NSMCE2: variants seen among roughly 807,000 people sequenced by gnomAD.
The protein encoded by NSMCE2 is NSE2 SUMO ligase component of SMC5/6 complex.
A neutral mutation model predicts 23.8 loss-of-function variants in NSMCE2; 24 were observed. The ratio of observed to expected loss-of-function variants is 1.01; its 90% confidence interval spans 0.73 to 1.42. The LOEUF (loss-of-function observed/expected upper bound fraction) is 1.42. NSMCE2 is among the 40% of genes most tolerant of loss of function. The probability of loss-of-function intolerance (pLI) is 0.00; values close to 1 mark genes in which losing one functional copy is unlikely to be tolerated. For missense variants in NSMCE2, 284 were observed against 296.5 expected, an observed-to-expected ratio of 0.96 and a Z score of 0.31; for synonymous variants, 92 against 94.1, an observed-to-expected ratio of 0.98 and a Z score of 0.13.
chr8:125,137,486 C>G (rs1327289644), intron 3 of NSMCE2, among the ~76,000 whole-genome samples: 1 of 152,168 alleles, frequency 6.6e-6, no homozygotes, highest in African/African-American at 2.4e-5. Context: ...CACATGCAAG[C>G]TAAAGGTAAT....
rs73349872 is a variant in NSMCE2, at chr8:125,188,285, G to T, written c.418+6029G>T. 1.2e-3 allele frequency among the ~76,000 whole-genome samples: 184 copies of T among 152,308 alleles called. 2 individuals carry two copies. The highest frequency in any genetic ancestry group is 4.1e-3 in the African/African-American group (172 of 41,568). On this transcript the variant is annotated intron_variant, in intron 5 of 7. Coordinates refer to ENST00000287437, the MANE Select transcript of NSMCE2 (RefSeq NM_173685.4). Reference sequence around the variant, plus strand: ...AAAACCACAGTGTAGTTGCACAAGGGTAGTGGTTTTTATGTTTTGCTTACT... The same window carrying T: ...AAAACCACAGTGTAGTTGCACAAGGTTAGTGGTTTTTATGTTTTGCTTACT...
chr8:125,151,313 T>C, intron 4 of NSMCE2, 36 bp downstream of exon 4: 2 of 1,058,630 alleles, frequency 1.9e-6, no homozygotes, highest in South Asian at 2.6e-5. Context: ...TATATTTGGT[T>C]ACAACTCACT....
At chr8:125,258,408 T>C (rs1586681619) in intron 5 of NSMCE2, among the ~76,000 whole-genome samples, 1 of 152,216 alleles carries the variant, frequency 6.6e-6, no homozygotes, top group East Asian at 1.9e-4. Context: ...ATCTGCACAG[T>C]TTAGGGCTTT....
chr8:125,227,272 G>A (rs1484488402), intron 5 of NSMCE2, among the ~76,000 whole-genome samples: 4 of 152,140 alleles, frequency 2.6e-5, no homozygotes, highest in Admixed American at 2.6e-4. Flanking sequence ...TGGTAGCTCG[G>A]TGTCTCCATC....
At chr8:125,201,958 G>T (rs764690827) in intron 5 of NSMCE2, among the ~76,000 whole-genome samples, 1 of 151,830 alleles carries the variant, frequency 6.6e-6, no homozygotes, top group Non-Finnish European at 1.5e-5. Flanking sequence ...CTTCAGCCTC[G>T]CAGGTTCTCA....
chr8:125,225,059 C>T (rs903595853), intron 5 of NSMCE2, among the ~76,000 whole-genome samples: 8 of 152,148 alleles, frequency 5.3e-5, no homozygotes, highest in African/African-American at 1.9e-4. Context: ...AAACAAAGTG[C>T]CTTCATCCAG....
At position 125,102,329 on chromosome 8, in the gene NSMCE2, A is replaced by G. The variant is rs745410079; in HGVS notation, c.-2A>G. 1 of 1,611,012 alleles carries G rather than the reference A, an allele frequency of 6.2e-7. No homozygotes were observed. Among genetic ancestry groups the G allele is most frequent in the Middle Eastern group, 1.7e-4 (1 of 6,048 alleles). ...TTTGAAAACTTAGGTACTAATTTCA[A>G]GATGCCAGGACGTTCCAGTTCAAAT... On this transcript the variant is annotated 5_prime_UTR_variant, in exon 3 of 8. Transcript: ENST00000287437.
intron 1 of NSMCE2, among the ~76,000 whole-genome samples, chr8:125,098,385 C>T (rs947495898): frequency 1.3e-5 from 2 of 152,134 alleles, no homozygotes; most frequent in Admixed American, 6.5e-5. Flanking sequence ...TCAGTTATTA[C>T]GAAGCTCTTT....
At chr8:125,173,182 T>G (rs533570310) in intron 4 of NSMCE2, among the ~76,000 whole-genome samples, 8 of 152,366 alleles carry the variant, frequency 5.3e-5, no homozygotes, top group Non-Finnish European at 1.2e-4. Flanking sequence ...ATTGCTAGGT[T>G]GCAGTTTAAG....
At chr8:125,310,952 G>A (rs1203561225) in intron 5 of NSMCE2, among the ~76,000 whole-genome samples, 1 of 152,146 alleles carries the variant, frequency 6.6e-6, no homozygotes, top group Non-Finnish European at 1.5e-5. Flanking sequence ...ATATTAGATC[G>A]CAAGGGGGAA....
intron 4 of NSMCE2, among the ~76,000 whole-genome samples, chr8:125,180,882 A>G (rs1822771299): frequency 6.6e-6 from 1 of 152,186 alleles, no homozygotes; most frequent in African/African-American, 2.4e-5. Context: ...GTTGAGTACT[A>G]CCTACTGTGT....
intron 5 of NSMCE2, among the ~76,000 whole-genome samples, chr8:125,273,507 T>A (rs1827316629): frequency 6.6e-6 from 1 of 152,200 alleles, no homozygotes; most frequent in Admixed American, 6.5e-5. Context: ...TAAACAAAAT[T>A]AGCTTTTGTT....
chr8:125,337,075 C>T (rs1205679717), intron 5 of NSMCE2, among the ~76,000 whole-genome samples: 1 of 152,132 alleles, frequency 6.6e-6, no homozygotes, highest in African/African-American at 2.4e-5. Flanking sequence ...TGGTAGAGGT[C>T]TTTGAAAAAA....
At position 125,272,811 on chromosome 8, in the gene NSMCE2, A is replaced by G. The variant is rs578044909; in HGVS notation, c.419-84408A>G. The stretch of plus-strand genomic sequence containing the variant: ...TACACATGTGTATATATATACACAC[A>G]CGTATATATATACACATATATATAC... On this transcript the variant is annotated intron_variant, in intron 5 of 7. Coordinates refer to ENST00000287437, the MANE Select transcript of NSMCE2 (RefSeq NM_173685.4). Among the ~76,000 whole-genome samples, 9 of 133,540 alleles carry G rather than the reference A, an allele frequency of 6.7e-5. No homozygotes were observed. The South Asian group carries it at 1.5e-3, about 23-fold the overall frequency. The allele number at this position is 133,540 out of a possible 152,430, so 87.6% of individuals were successfully genotyped here.
Position 125,143,644 on chromosome 8 carries a change from A to C in NSMCE2, c.158-7527A>C, listed in dbSNP as rs73704541. 4.2e-3 allele frequency among the ~76,000 whole-genome samples: 635 copies of C among 152,340 alleles called. 8 individuals are homozygous for C. Among genetic ancestry groups the C allele is most frequent in the African/African-American group, 0.015 (606 of 41,574 alleles). ...TAATTGGTGGTGTTCCTGTTCAGAC[A>C]TGCCTGTACATGGCTTTGTAGAATA... On this transcript the variant is annotated intron_variant, in intron 3 of 7. Transcript: ENST00000287437.
intron 5 of NSMCE2, among the ~76,000 whole-genome samples, chr8:125,260,145 C>T (rs1045229010): frequency 2.6e-5 from 4 of 152,194 alleles, no homozygotes; most frequent in African/African-American, 9.7e-5. Flanking sequence ...CCCTACTACA[C>T]GACTCTTGGG....
At chr8:125,339,139 T>TGA (rs1830155760) in intron 5 of NSMCE2, among the ~76,000 whole-genome samples, 1 of 152,196 alleles carries the variant, frequency 6.6e-6, no homozygotes, top group South Asian at 2.1e-4. Context: ...CTCTGCAGTG[T>TGA]CTTCTGTCAG....
intron 5 of NSMCE2, among the ~76,000 whole-genome samples, chr8:125,256,996 T>G (rs1020745656): frequency 7.8e-6 from 1 of 128,122 alleles, no homozygotes; most frequent in African/African-American, 3.0e-5. Context: ...CACCCTGACA[T>G]GTAGAAGTTA....
intron 5 of NSMCE2, among the ~76,000 whole-genome samples, chr8:125,320,191 A>T (rs1172302278): frequency 1.5e-5 from 2 of 137,060 alleles, no homozygotes; most frequent in Non-Finnish European, 3.1e-5. Context: ...AAAAAGAGAG[A>T]GAGAGAGAAA....
Sources: gnomAD v4.1 joint callset for allele counts (sites outside exome capture counted in the v4.1 genomes callset) on GRCh38, gnomAD v4.1.1 for gene constraint, MANE v1.5 for transcripts, NCBI Gene and HGNC (gene_info 2026-07-23, HGNC 2026-07-21) for gene names.